The following FARS2 variants were observed in gnomAD, a reference collection of about 807,000 sequenced individuals.
FARS2 encodes the protein phenylalanyl-tRNA synthetase 2, mitochondrial.
In FARS2, 40 loss-of-function variants were observed where a neutral mutation model predicts 46.4. The observed-to-expected ratio is 0.86, with a 90% CI of 0.67 to 1.12. The LOEUF is 1.12. FARS2 is among the 50% of genes most tolerant of loss of function. FARS2 has a pLI of 0.00. For synonymous variants in FARS2, 234 were observed against 214.9 expected, an observed-to-expected ratio of 1.09 and a Z score of -0.78; for missense variants, 513 against 567.9, an observed-to-expected ratio of 0.90 and a Z score of 0.98.
chr6:5,387,533 G>C (rs181424031), intron 2 of FARS2, among the ~76,000 whole-genome samples: 1 of 152,346 alleles, frequency 6.6e-6, no homozygotes, highest in Admixed American at 6.5e-5. Context: ...TAACAAGTGA[G>C]ATACATGATT....
intron 1 of FARS2, among the ~76,000 whole-genome samples, chr6:5,309,062 A>G (rs1768916737): frequency 6.6e-6 from 1 of 152,180 alleles, no homozygotes; most frequent in Admixed American, 6.5e-5. Context: ...TTAGAATTTC[A>G]ATATATGAAT....
chr6:5,268,373 A>T (rs1349434888), intron 1 of FARS2, among the ~76,000 whole-genome samples: 1 of 152,148 alleles, frequency 6.6e-6, no homozygotes, highest in Non-Finnish European at 1.5e-5. Context: ...TCTCACATTA[A>T]TTTTTGTATA....
chr6:5,577,357 A>T (rs199740797), intron 5 of FARS2, among the ~76,000 whole-genome samples: 1 of 151,014 alleles, frequency 6.6e-6, no homozygotes, highest in South Asian at 2.1e-4. Context: ...AGAGAGAGTG[A>T]GTGTGTGTGT....
At chr6:5,439,430 T>G (rs376240331) in intron 4 of FARS2, among the ~76,000 whole-genome samples, 2 of 152,366 alleles carry the variant, frequency 1.3e-5, no homozygotes, top group African/African-American at 2.4e-5. Flanking sequence ...GGGGCTCACC[T>G]TTGGGGCAAA....
chr6:5,674,813 A>T (rs1278075898), intron 6 of FARS2, among the ~76,000 whole-genome samples: 1 of 152,136 alleles, frequency 6.6e-6, no homozygotes, highest in Non-Finnish European at 1.5e-5. Flanking sequence ...ATACTTCCAT[A>T]TTTGGAACTG....
At chr6:5,302,802 G>A (rs1229548508) in intron 1 of FARS2, among the ~76,000 whole-genome samples, 1 of 152,102 alleles carries the variant, frequency 6.6e-6, no homozygotes, top group African/African-American at 2.4e-5. Context: ...TTGGGCAGTG[G>A]AGTGGTTCCA....
At chr6:5,521,832 GAAC>G (rs1420496741) in intron 4 of FARS2, among the ~76,000 whole-genome samples, 1 of 152,162 alleles carries the variant, frequency 6.6e-6, no homozygotes, top group African/African-American at 2.4e-5. Context: ...CACTGTTGAA[GAAC>G]ATTATCTTCT....
chr6:5,396,167 A>G (rs553093454), intron 2 of FARS2, among the ~76,000 whole-genome samples: 2 of 152,304 alleles, frequency 1.3e-5, no homozygotes, highest in East Asian at 3.9e-4. Flanking sequence ...TCCATGTTGC[A>G]TGTATATTAT....
chr6:5,604,844 AG>A (rs1774740181), intron 5 of FARS2, among the ~76,000 whole-genome samples: 1 of 152,178 alleles, frequency 6.6e-6, no homozygotes, highest in South Asian at 2.1e-4. Flanking sequence ...CACACTTTTG[AG>A]TCTGGGTCAT....
At position 5,682,206 on chromosome 6, in the gene FARS2, G is replaced by A. The variant is rs193090967; in HGVS notation, c.1217+68886G>A. On this transcript the variant is annotated intron_variant, in intron 6 of 6. Coordinates refer to ENST00000274680, the MANE Select transcript of FARS2 (RefSeq NM_006567.5). ...AATAACTAGGTTGCAGCATCAAAAA[G>A]TATTACCAAAGAAAAACAGGAAACA... is the stretch of plus-strand genomic sequence containing the variant. Among the ~76,000 whole-genome samples, 63 of 152,196 alleles carry A rather than the reference G, an allele frequency of 4.1e-4. 2 individuals are homozygous for A. The highest frequency in any genetic ancestry group is 1.5e-3 in the African/African-American group (62 of 41,536).
In FARS2 at chr6:5,577,773, T is replaced by TTTTA. The variant is rs138808872; in HGVS notation, c.1065+32456_1065+32459dup. Among the ~76,000 whole-genome samples, 631 of 150,714 alleles carry TTTTA rather than the reference T, an allele frequency of 4.2e-3. 9 individuals carry two copies. Among genetic ancestry groups the TTTTA allele is most frequent in the African/African-American group, 0.013 (535 of 41,034 alleles). ...ACAATAATTGGATTGCCATTGTATC[T>TTTTA]TTTATTTATTTATTTATTTATTTAT... is the stretch of plus-strand genomic sequence containing the variant. On this transcript the variant is annotated intron_variant, in intron 5 of 6. Transcript: ENST00000274680.
intron 6 of FARS2, among the ~76,000 whole-genome samples, chr6:5,714,493 A>G (rs903140754): frequency 6.6e-6 from 1 of 152,120 alleles, no homozygotes; most frequent in African/African-American, 2.4e-5. Flanking sequence ...TCTTGCTGCT[A>G]CTCCTACATT....
At chr6:5,266,922 C>G (rs1278307282) in intron 1 of FARS2, among the ~76,000 whole-genome samples, 1 of 151,786 alleles carries the variant, frequency 6.6e-6, no homozygotes, top group East Asian at 1.9e-4. Context: ...GAGACATTTC[C>G]TCTTGGGGGA....
At chr6:5,360,229 T>A (rs777082823) in intron 1 of FARS2, among the ~76,000 whole-genome samples, 3 of 152,234 alleles carry the variant, frequency 2.0e-5, no homozygotes, top group Non-Finnish European at 2.9e-5. Context: ...TGCAACTTGT[T>A]TTTTCTTGAG....
intron 4 of FARS2, among the ~76,000 whole-genome samples, chr6:5,540,321 C>T (rs948036783): frequency 6.6e-6 from 1 of 152,204 alleles, no homozygotes; most frequent in Non-Finnish European, 1.5e-5. Context: ...CCCTTCAATG[C>T]TGTTACTTCT....
intron 6 of FARS2, among the ~76,000 whole-genome samples, chr6:5,665,622 G>A (rs1315807795): frequency 6.6e-6 from 1 of 152,166 alleles, no homozygotes; most frequent in East Asian, 1.9e-4. Flanking sequence ...ACATATCCCA[G>A]AGCAGGCATG....
chr6:5,341,080 G>A (rs1581825536), intron 1 of FARS2, among the ~76,000 whole-genome samples: 1 of 149,748 alleles, frequency 6.7e-6, no homozygotes, highest in African/African-American at 2.5e-5. Context: ...CCAGGGAGGC[G>A]GAGGTTGCAG....
intron 6 of FARS2, among the ~76,000 whole-genome samples, chr6:5,659,480 G>A (rs1196155176): frequency 6.6e-6 from 1 of 152,160 alleles, no homozygotes; most frequent in Non-Finnish European, 1.5e-5. Flanking sequence ...TTAATTCTTA[G>A]CCCATTGCTT....
chr6:5,641,274 G>T (rs1045425723), intron 6 of FARS2, among the ~76,000 whole-genome samples: 2 of 151,262 alleles, frequency 1.3e-5, no homozygotes, highest in African/African-American at 4.9e-5. Flanking sequence ...TCCGTTTCAC[G>T]TGTCCCCAGT....
Sources: allele counts gnomAD v4.1 joint callset (sites outside exome capture counted in the v4.1 genomes callset), GRCh38; gene constraint gnomAD v4.1.1; transcripts MANE v1.5; gene names NCBI Gene and HGNC (gene_info 2026-07-23, HGNC 2026-07-21).